The following ATP11A variants were observed in gnomAD, a reference collection of about 807,000 sequenced individuals.
The protein encoded by ATP11A is phospholipid-transporting ATPase IH.
A neutral mutation model predicts 154.4 loss-of-function variants in ATP11A; 81 were observed. The ratio of observed to expected loss-of-function variants is 0.52; its 90% confidence interval spans 0.44 to 0.63. The LOEUF is 0.63. ATP11A is among the 30% of genes least tolerant of loss of function. The pLI is 0.00. For missense variants in ATP11A, 1,316 were observed against 1,474.3 expected (o/e 0.89, Z 1.76); for synonymous variants, 623 against 585.9 (o/e 1.06, Z -0.91).
intron 1 of ATP11A, among the ~76,000 whole-genome samples, chr13:112,752,573 G>A (rs1256695781): frequency 6.6e-6 from 1 of 152,206 alleles, no homozygotes; most frequent in Non-Finnish European, 1.5e-5. Flanking sequence ...CTGAATACGC[G>A]TCCGTCTGAC....
At chr13:112,709,728 T>TGACTG (rs56186507) in intron 1 of ATP11A, among the ~76,000 whole-genome samples, 1 of 151,734 alleles carries the variant, frequency 6.6e-6, no homozygotes, top group African/African-American at 2.4e-5. Flanking sequence ...TAAATGTATT[T>TGACTG]AAGTCTCATG....
At chr13:112,758,353 C>T (rs2076889274) in intron 1 of ATP11A, among the ~76,000 whole-genome samples, 1 of 152,096 alleles carries the variant, frequency 6.6e-6, no homozygotes, top group African/African-American at 2.4e-5. Context: ...TGAGCCACCA[C>T]ACCTGGCCAC....
At chr13:112,756,166 T>TTAAA (rs111265154) in intron 1 of ATP11A, among the ~76,000 whole-genome samples, 2,114 of 152,354 alleles carry the variant, frequency 0.014, 43 homozygotes, top group African/African-American at 0.04. Flanking sequence ...CCTTACAACA[T>TTAAA]TAAACTACAA....
At chr13:112,743,920 T>C (rs1891826586) in intron 1 of ATP11A, among the ~76,000 whole-genome samples, 1 of 152,050 alleles carries the variant, frequency 6.6e-6, no homozygotes, top group African/African-American at 2.4e-5. Context: ...AAAAGGGGAG[T>C]TGTGCATTTG....
chr13:112,864,198 A>C (rs915871411), intron 25 of ATP11A, among the ~76,000 whole-genome samples: 1 of 124,870 alleles, frequency 8.0e-6, no homozygotes, highest in African/African-American at 2.9e-5. Flanking sequence ...GCAGCTTCCC[A>C]GCGGGGTCCA....
At chr13:112,750,589 G>A (rs2076667534) in intron 1 of ATP11A, among the ~76,000 whole-genome samples, 1 of 148,522 alleles carries the variant, frequency 6.7e-6, no homozygotes, top group Non-Finnish European at 1.5e-5. Context: ...TCTTAGGGAA[G>A]GAGAGTCTCC....
intron 1 of ATP11A, among the ~76,000 whole-genome samples, chr13:112,728,598 G>C (rs935690616): frequency 2.5e-5 from 3 of 120,334 alleles, no homozygotes; most frequent in African/African-American, 9.6e-5. Context: ...CCACTCGTGG[G>C]GGGGCCGTGA....
At chr13:112,855,192 G>A (rs1052539003) in intron 19 of ATP11A, among the ~76,000 whole-genome samples, 1 of 152,020 alleles carries the variant, frequency 6.6e-6, no homozygotes, top group African/African-American at 2.4e-5. Context: ...GGGATTGGAG[G>A]GTTTTTTTTG....
chr13:112,747,611 G>A (rs1047501271), intron 1 of ATP11A, among the ~76,000 whole-genome samples: 11 of 152,184 alleles, frequency 7.2e-5, no homozygotes, highest in Non-Finnish European at 1.6e-4. Context: ...CAAGGCCGGC[G>A]GATCACTTGA....
At chr13:112,700,925 G>A (rs1351724954) in intron 1 of ATP11A, among the ~76,000 whole-genome samples, 1 of 152,218 alleles carries the variant, frequency 6.6e-6, no homozygotes, top group Non-Finnish European at 1.5e-5. Flanking sequence ...GCTTGGACCT[G>A]CTTCTCTCGC....
intron 12 of ATP11A, among the ~76,000 whole-genome samples, chr13:112,829,294 A>C (rs1037032146): frequency 6.6e-6 from 1 of 152,236 alleles, no homozygotes; most frequent in East Asian, 1.9e-4. Flanking sequence ...AGAAAATTGC[A>C]GGCCAGGACC....
At chr13:112,776,397 T>TGG (rs1277287934) in intron 1 of ATP11A, among the ~76,000 whole-genome samples, 1 of 152,104 alleles carries the variant, frequency 6.6e-6, no homozygotes, top group African/African-American at 2.4e-5. Flanking sequence ...CGGGGAAATG[T>TGG]GGGGAGGGTC....
At chr13:112,748,658 G>C (rs556915026) in intron 1 of ATP11A, among the ~76,000 whole-genome samples, 2 of 152,252 alleles carry the variant, frequency 1.3e-5, no homozygotes, top group African/African-American at 4.8e-5. Context: ...GAGCCACCAC[G>C]CCCGGCCTGA....
At chr13:112,737,430 T>G (rs1293737041) in intron 1 of ATP11A, among the ~76,000 whole-genome samples, 1 of 152,236 alleles carries the variant, frequency 6.6e-6, no homozygotes, top group Non-Finnish European at 1.5e-5. Context: ...CATGTGGCGT[T>G]AAATATTACA....
At chr13:112,824,473 C>T (rs781662434) in intron 10 of ATP11A, 48 bp downstream of exon 10, 2 of 1,558,646 alleles carry the variant, frequency 1.3e-6, no homozygotes, top group Non-Finnish European at 1.8e-6. Flanking sequence ...GTGTCATTAC[C>T]CACTGTAGAA....
chr13:112,712,733 C>T (rs1887911056), intron 1 of ATP11A, among the ~76,000 whole-genome samples: 1 of 152,174 alleles, frequency 6.6e-6, no homozygotes, highest in African/African-American at 2.4e-5. Flanking sequence ...GAGGTGAGGG[C>T]CAGTTCCAGC....
intron 22 of ATP11A, chr13:112,858,592 G>A (rs936494047): frequency 6.9e-5 from 18 of 261,252 alleles, no homozygotes; most frequent in African/African-American, 2.4e-4. Context: ...GAAGTCTCAC[G>A]CCGTCCTGCT....
chr13:112,756,004 C>T (rs1018538900), intron 1 of ATP11A, among the ~76,000 whole-genome samples: 2 of 151,812 alleles, frequency 1.3e-5, no homozygotes, highest in South Asian at 2.1e-4. Context: ...GTCACGGAAA[C>T]GGCACTCAGA....
intron 24 of ATP11A, 105 bp downstream of exon 24, chr13:112,860,519 A>G: frequency 3.7e-6 from 5 of 1,367,804 alleles, no homozygotes. Context: ...TGAGGGCCAG[A>G]AGCATTCGGC....
Sources: gnomAD v4.1 joint callset for allele counts (sites outside exome capture counted in the v4.1 genomes callset) on GRCh38, gnomAD v4.1.1 for gene constraint, MANE v1.5 for transcripts, NCBI Gene and HGNC (gene_info 2026-07-23, HGNC 2026-07-21) for gene names.